Variants in KLHL25 observed in about 807,000 individuals in gnomAD.
KLHL25 encodes kelch like family member 25.
KLHL25 carries 41 observed loss-of-function variants against 30.0 expected under a neutral mutation model. That is an observed-to-expected ratio of 1.37 (90% CI 1.07 to 1.78). The LOEUF (loss-of-function observed/expected upper bound fraction) is 1.78. KLHL25 is among the 40% of genes most tolerant of loss of function. The probability of loss-of-function intolerance (pLI) is 0.00; values close to 1 mark genes in which losing one functional copy is unlikely to be tolerated. For synonymous variants in KLHL25, 399 were observed against 355.3 expected (o/e 1.12, Z -1.38); for missense variants, 971 against 824.5 (o/e 1.18, Z -2.18).
At chr15:85,767,737 G>A (rs887009148) in intron 2 of KLHL25, among the ~76,000 whole-genome samples, 1 of 152,162 alleles carries the variant, frequency 6.6e-6, no homozygotes, top group Non-Finnish European at 1.5e-5. Flanking sequence ...CTGTCAAAAG[G>A]TCCCTGGGTG....
rs371420778 is a variant in KLHL25 at position 85,768,263 on chromosome 15, G to A, written c.1548C>T (p.Asn516=). Reference sequence around the variant, plus strand: ...TCATGTCCCCAATCCGCGTCCACTGGTTGGTCTCACAGTCAAAGCGGTAGG... The same window carrying A: ...TCATGTCCCCAATCCGCGTCCACTGATTGGTCTCACAGTCAAAGCGGTAGG... The part of the protein sequence containing the change: ...ASAYRFDCET[N]QWTRIGDMTA... The change falls in exon 2 of 3, where the codon AAC becomes AAT. Residue 516 remains asparagine, a synonymous_variant. Transcript: ENST00000337975. The A allele has an allele frequency of 6.2e-7, 1 of 1,614,164 alleles. No homozygotes were observed. Among genetic ancestry groups the A allele is most frequent in the South Asian group, 1.1e-5 (1 of 91,082 alleles).
Position 85,759,343 on chromosome 15 carries a change from A to AAT in KLHL25, c.*1692_*1693insAT, listed in dbSNP as rs2089562800. ...GCAAAGAATTTTCTCAACTCTTTTT[A>AAT]TTAAGTTAGAAAACTGATAAAAGCA... On this transcript the variant is annotated 3_prime_UTR_variant, in exon 3 of 3. Transcript: ENST00000337975. The AAT allele has an allele frequency of 6.6e-6, 1 of 152,512 alleles. No homozygotes were observed. Among genetic ancestry groups the AAT allele is most frequent in the Non-Finnish European group, 1.5e-5 (1 of 68,066 alleles). The allele number at this position is 152,512 out of a possible 1,614,324, so 9.4% of individuals were successfully genotyped here.
At chr15:85,770,109 G>C (rs1217495813) in intron 1 of KLHL25, among the ~76,000 whole-genome samples, 1 of 152,240 alleles carries the variant, frequency 6.6e-6, no homozygotes, top group Non-Finnish European at 1.5e-5. Flanking sequence ...CTCCAGTTGA[G>C]GCTGCCTCCC....
chr15:85,784,697 T>C (rs932913429), intron 1 of KLHL25, among the ~76,000 whole-genome samples: 7 of 152,176 alleles, frequency 4.6e-5, no homozygotes, highest in African/African-American at 7.2e-5. Flanking sequence ...AAATGGGGAC[T>C]GACCTCAGTC....
At chr15:85,788,778 G>C (rs951433112) in intron 1 of KLHL25, among the ~76,000 whole-genome samples, 8 of 152,192 alleles carry the variant, frequency 5.3e-5, no homozygotes, top group South Asian at 4.1e-4. Flanking sequence ...CATGAACAAA[G>C]CTGGGTACCT....
In KLHL25 at chr15:85,789,718, C is replaced by T. The variant is rs2089803781; in HGVS notation, c.-11+5048G>A. ...CTGCTGCCCAGCTCCCTGCCCACGA[C>T]CAGTCAGAGCGATGGCCCTGAGAAA... On this transcript the variant is annotated intron_variant, in intron 1 of 2. Transcript: ENST00000337975. This position sits in a 1 kb window ranked among gnomAD's most constrained non-coding sequence, Gnocchi z 4.1. Among the ~76,000 whole-genome samples the T allele has an allele frequency of 6.6e-6, 1 of 152,126 alleles. No homozygotes were observed. Among genetic ancestry groups the T allele is most frequent in the Non-Finnish European group, 1.5e-5 (1 of 68,026 alleles).
At chr15:85,770,373 G>C in intron 1 of KLHL25, 1 of 457,084 alleles carries the variant, frequency 2.2e-6, no homozygotes, top group Admixed American at 2.4e-5. Flanking sequence ...ACTAATCCCT[G>C]CAGGGTTTGC....
chr15:85,784,796 C>T (rs2089769511), intron 1 of KLHL25, among the ~76,000 whole-genome samples: 1 of 152,180 alleles, frequency 6.6e-6, no homozygotes, highest in Non-Finnish European at 1.5e-5. Context: ...TACAGCTGCA[C>T]CTTGATTTTG....
chr15:85,787,452 A>T (rs566831451), intron 1 of KLHL25, among the ~76,000 whole-genome samples: 19 of 152,304 alleles, frequency 1.2e-4, no homozygotes, highest in Admixed American at 5.9e-4. Context: ...GTCTCAAAAA[A>T]AAATTAGGTG....
intron 1 of KLHL25, among the ~76,000 whole-genome samples, chr15:85,774,880 C>CCTT (rs1555470104): frequency 3.6e-5 from 5 of 140,450 alleles, no homozygotes; most frequent in Admixed American, 1.4e-4. Flanking sequence ...TTTTTCTTTT[C>CCTT]TTTTTTTTTT....
intron 1 of KLHL25, among the ~76,000 whole-genome samples, chr15:85,773,928 G>A (rs887510248): frequency 3.9e-5 from 6 of 152,236 alleles, no homozygotes; most frequent in Non-Finnish European, 5.9e-5. Flanking sequence ...TGCTTGTCTC[G>A]GTAAGGGGTC....
In KLHL25 at chr15:85,769,385, C is replaced by A. The variant is rs201985058; in HGVS notation, c.426G>T (p.Lys142Asn). ...VRDAAAEFLEKNLFPSNCLGM... is the reference protein window; with the variant it reads ...VRDAAAEFLENNLFPSNCLGM... The stretch of plus-strand genomic sequence containing the variant: ...CCAGGCAGTTGGAGGGGAAAAGGTT[C>A]TTCTCCAGGAACTCGGCGGCAGCAT... The change falls in exon 2 of 3, where the codon AAG becomes AAT. Residue 142 changes from lysine to asparagine, a missense_variant. Transcript: ENST00000337975. 31 of 1,614,158 alleles carry A rather than the reference C, an allele frequency of 1.9e-5. No individual in the cohort carries two copies. Among genetic ancestry groups the A allele is most frequent in the East Asian group, 1.1e-4 (5 of 44,884 alleles).
At chr15:85,770,489 G>T in intron 1 of KLHL25, 1 of 533,918 alleles carries the variant, frequency 1.9e-6, no homozygotes. Context: ...CCTTGCCTTG[G>T]AACAAGAGCC....
chr15:85,788,654 C>A (rs569360715), intron 1 of KLHL25, among the ~76,000 whole-genome samples: 4 of 152,350 alleles, frequency 2.6e-5, no homozygotes, highest in African/African-American at 9.6e-5. Flanking sequence ...ACCCGCCTGT[C>A]TGCCTCCCAC....
chr15:85,791,074 G>T (rs978199400), intron 1 of KLHL25, among the ~76,000 whole-genome samples: 5 of 151,738 alleles, frequency 3.3e-5, no homozygotes, highest in Non-Finnish European at 7.4e-5. Context: ...GCGGGTGCCT[G>T]TAATCCCAGC....
intron 1 of KLHL25, among the ~76,000 whole-genome samples, chr15:85,787,400 C>T (rs547105024): frequency 1.1e-4 from 17 of 152,178 alleles, no homozygotes; most frequent in African/African-American, 3.9e-4. Flanking sequence ...AACCTGAGAT[C>T]ATGCCATTGC....
chr15:85,768,100 C>A lies in KLHL25; in HGVS notation c.1711G>T (p.Val571Leu). 6.2e-7 allele frequency: 1 copy of A among 1,614,220 alleles called. No individual in the cohort carries two copies. The highest frequency in any genetic ancestry group is 8.5e-7 in the Non-Finnish European group (1 of 1,180,036). The part of the protein sequence containing the change: ...TSDTWNCITT[V>L]PYSLIPTAFV... ...GCCGTGGGGATAAGTGAGTAGGGCA[C>A]TGTGGTGATGCAGTTCCATGTATCT... Residue 571 changes from valine (V) to leucine (L), a missense_variant, in exon 2 of 3, where the codon GTG becomes TTG. Physicochemically the swap from Val to Leu is conservative, Grantham distance 32. Transcript: ENST00000337975.
chr15:85,783,894 T>G (rs981129796), intron 1 of KLHL25, among the ~76,000 whole-genome samples: 1 of 152,102 alleles, frequency 6.6e-6, no homozygotes, highest in African/African-American at 2.4e-5. Context: ...TGGTCCAAGA[T>G]ACTGAAATTC....
intron 2 of KLHL25, among the ~76,000 whole-genome samples, chr15:85,766,961 T>A (rs1408370303): frequency 6.6e-6 from 1 of 152,126 alleles, no homozygotes; most frequent in African/African-American, 2.4e-5. Context: ...GACTCCACCA[T>A]TTAGACATGG....
Sources: allele counts gnomAD v4.1 joint callset (sites outside exome capture counted in the v4.1 genomes callset), GRCh38; gene constraint gnomAD v4.1.1; non-coding constraint Gnocchi (gnomAD v3.1); transcripts MANE v1.5; gene names NCBI Gene and HGNC (gene_info 2026-07-23, HGNC 2026-07-21).